GXYLT2: variants seen among roughly 807,000 people sequenced by gnomAD.
GXYLT2 encodes glucoside xylosyltransferase 2.
Under a neutral mutation model 45.8 loss-of-function variants are expected in GXYLT2, and 53 were observed. The ratio of observed to expected loss-of-function variants is 1.16; its 90% CI spans 0.93 to 1.46. The LOEUF (loss-of-function observed/expected upper bound fraction) is 1.46, where lower values mean the gene tolerates loss of function less well. Among genes scored for constraint, GXYLT2 ranks in the 40% most tolerant of loss-of-function variants. GXYLT2 has a pLI of 0.00. For synonymous variants in GXYLT2, 219 were observed against 214.2 expected (o/e 1.02, Z -0.19); for missense variants, 551 against 544.4 (o/e 1.01, Z -0.12).
chr3:72,911,769 A>T (rs1163831352), intron 2 of GXYLT2, among the ~76,000 whole-genome samples: 1 of 151,828 alleles, frequency 6.6e-6, no homozygotes, highest in Non-Finnish European at 1.5e-5. Flanking sequence ...TTGTGGTTTT[A>T]TTTACTTTTA....
At chr3:72,894,784 G>A (rs749144751) in intron 1 of GXYLT2, among the ~76,000 whole-genome samples, 1 of 152,178 alleles carries the variant, frequency 6.6e-6, no homozygotes, top group Non-Finnish European at 1.5e-5. Flanking sequence ...AAGTGAAAAC[G>A]CTATAATATG....
chr3:72,954,619 G>C (rs1710597338), intron 3 of GXYLT2, among the ~76,000 whole-genome samples: 1 of 146,312 alleles, frequency 6.8e-6, no homozygotes, highest in African/African-American at 2.5e-5. Flanking sequence ...CTGGGCGACA[G>C]AGTGAGACTC....
At chr3:72,951,851 T>C (rs1710534026) in intron 3 of GXYLT2, among the ~76,000 whole-genome samples, 1 of 152,148 alleles carries the variant, frequency 6.6e-6, no homozygotes. Context: ...GTTTTATTTG[T>C]TTTTGAGACA....
chr3:72,914,220 A>G (rs1049931770), intron 2 of GXYLT2, among the ~76,000 whole-genome samples: 3 of 152,144 alleles, frequency 2.0e-5, no homozygotes, highest in Non-Finnish European at 4.4e-5. Context: ...GACTTTTTAA[A>G]GTTGCATATG....
At chr3:72,936,196 G>A (rs1710173105) in intron 3 of GXYLT2, among the ~76,000 whole-genome samples, 1 of 151,994 alleles carries the variant, frequency 6.6e-6, no homozygotes, top group Non-Finnish European at 1.5e-5. Flanking sequence ...CGAGGCTGAG[G>A]CAGGAGAATT....
Position 72,922,229 on chromosome 3 carries a change from C to T in GXYLT2, c.494C>T (p.Thr165Ile). ...TTACGCCAGTGGCCTGACTCATATA[C>T]AAAGAAGTTTGAGCACAGAATCTAC... is the stretch of plus-strand genomic sequence containing the variant. The part of the protein sequence containing the change: ...KQLRQWPDSY[T>I]KKFEHRIYPI... Residue 165 changes from threonine to isoleucine, a missense_variant, in exon 3 of 7, where the codon ACA becomes ATA. Thr to Ile is a moderately conservative substitution (Grantham distance 89). Transcript: ENST00000389617. 2 of 1,613,578 alleles carry T rather than the reference C, an allele frequency of 1.2e-6. No individual in the cohort carries two copies. Among genetic ancestry groups the T allele is most frequent in the Non-Finnish European group, 1.7e-6 (2 of 1,179,648 alleles).
At chr3:72,915,237 T>C (rs993609874) in intron 2 of GXYLT2, among the ~76,000 whole-genome samples, 3 of 151,790 alleles carry the variant, frequency 2.0e-5, no homozygotes, top group Middle Eastern at 6.8e-3. Context: ...GGAGTTGTTT[T>C]TTTTCCTTTA....
rs545522448 is a variant in GXYLT2, at chr3:72,970,591, G to A, written c.1149+2872G>A. Among the ~76,000 whole-genome samples, 54 of 152,266 alleles carry A rather than the reference G, an allele frequency of 3.5e-4. 1 individual carries two copies. In the South Asian group the frequency reaches 5.2e-3, roughly 15 times the overall value. ...ATTCGCAGAGTTGGCTGAGCGTGGT[G>A]GCTCACATCTGTAATCCCAGCACTT... is the stretch of plus-strand genomic sequence containing the variant. On this transcript the variant is annotated intron_variant, in intron 6 of 6. Transcript: ENST00000389617.
Position 72,975,946 on chromosome 3 carries a change from T to TTTTTTTC in GXYLT2, c.*790_*791insTTTCTTT, listed in dbSNP as rs1559537589. The TTTTTTTC allele has an allele frequency of 7.7e-6, 1 of 129,604 alleles. No individual in the cohort carries two copies. Among genetic ancestry groups the TTTTTTTC allele is most frequent in the African/African-American group, 2.9e-5 (1 of 34,878 alleles). 8.0% of individuals were successfully genotyped at this position (129,604 alleles called of 1,614,324 possible). On this transcript the variant is annotated 3_prime_UTR_variant, in exon 7 of 7. Transcript: ENST00000389617. ...TCTTTCTTTTTTTTTTTTTTTTTTT[T>TTTTTTTC]TTTGAGACGGAATCTCACTCTGTAG...
At chr3:72,972,763 A>T (rs1410305981) in intron 6 of GXYLT2, among the ~76,000 whole-genome samples, 30 of 133,338 alleles carry the variant, frequency 2.2e-4, no homozygotes, top group South Asian at 1.1e-3. Context: ...TACAAAAATT[A>T]AAAAAAAAAA....
At chr3:72,942,475 T>G (rs1710319703) in intron 3 of GXYLT2, among the ~76,000 whole-genome samples, 1 of 152,118 alleles carries the variant, frequency 6.6e-6, no homozygotes, top group Non-Finnish European at 1.5e-5. Context: ...ACATGATATT[T>G]GTATGATTTT....
At position 72,890,955 on chromosome 3, in the gene GXYLT2, C is replaced by T. The variant is rs183981995; in HGVS notation, c.275+2447C>T. On this transcript the variant is annotated intron_variant, in intron 1 of 6. Transcript: ENST00000389617. The stretch of plus-strand genomic sequence containing the variant: ...CAAATGCATAAACAGTTGACATTTT[C>T]TGGGACTTATTTATTGTTTCTCTTG... Among the ~76,000 whole-genome samples the T allele has an allele frequency of 7.9e-5, 12 of 152,246 alleles. No individual in the cohort carries two copies. The East Asian group carries it at 2.3e-3, about 29-fold the overall frequency.
chr3:72,931,857 A>G lies in GXYLT2; in HGVS notation c.600+9522A>G, dbSNP rs1016848152. On this transcript the variant is annotated intron_variant, in intron 3 of 6. Transcript: ENST00000389617. Reference sequence around the variant, plus strand: ...CCAAAACTAAAAATTGGTACTTTGAAAAGATCAACAAAATTGACAAACCTT... The same window carrying G: ...CCAAAACTAAAAATTGGTACTTTGAGAAGATCAACAAAATTGACAAACCTT... 5.3e-5 allele frequency among the ~76,000 whole-genome samples: 8 copies of G among 152,274 alleles called. No individual in the cohort carries two copies. The East Asian group carries it at 1.4e-3, about 26-fold the overall frequency.
chr3:72,926,265 T>C (rs988213695), intron 3 of GXYLT2, among the ~76,000 whole-genome samples: 2 of 152,200 alleles, frequency 1.3e-5, no homozygotes, highest in Non-Finnish European at 2.9e-5. Flanking sequence ...CTCAAGCCAA[T>C]TAGATTCTCA....
At position 72,900,570 on chromosome 3, in the gene GXYLT2, A is replaced by G. The variant is rs921487559; in HGVS notation, c.276-7797A>G. ...GCTGGGATTACAAGCACCCGCAACC[A>G]CACCCAGCTACTTCTTTTTGTGTTT... is the stretch of plus-strand genomic sequence containing the variant. On this transcript the variant is annotated intron_variant, in intron 1 of 6. Transcript: ENST00000389617. 1.6e-4 allele frequency among the ~76,000 whole-genome samples: 24 copies of G among 151,902 alleles called. 1 individual carries two copies. The highest frequency in any genetic ancestry group is 1.6e-3 in the Admixed American group (24 of 15,248).
At chr3:72,941,090 A>G (rs1199543676) in intron 3 of GXYLT2, among the ~76,000 whole-genome samples, 1 of 152,214 alleles carries the variant, frequency 6.6e-6, no homozygotes, top group African/African-American at 2.4e-5. Context: ...ATTCGCATGC[A>G]CCAGAAGTAC....
chr3:72,967,359 C>T (rs1165204351), intron 5 of GXYLT2, among the ~76,000 whole-genome samples, 188 bp from the exon 6 acceptor site: 2 of 152,062 alleles, frequency 1.3e-5, no homozygotes, highest in Non-Finnish European at 2.9e-5. Flanking sequence ...TCACTGTGTG[C>T]CCCTTCAATT....
rs1711085823 is a variant in GXYLT2 at position 72,975,624 on chromosome 3, A to G, written c.*465A>G. On this transcript the variant is annotated 3_prime_UTR_variant, in exon 7 of 7. Coordinates refer to ENST00000389617, the MANE Select transcript of GXYLT2 (RefSeq NM_001080393.2). ...GCATATGGGTCAAGGGCTCAACATCAAGATTAGATTAGCCATAATCCTATT... is the reference window on the plus strand; with the variant it reads ...GCATATGGGTCAAGGGCTCAACATCGAGATTAGATTAGCCATAATCCTATT... The G allele has an allele frequency of 6.5e-6, 1 of 153,012 alleles. No homozygotes were observed. Among genetic ancestry groups the G allele is most frequent in the Admixed American group, 6.5e-5 (1 of 15,280 alleles). The allele number at this position is 153,012 out of a possible 1,614,324, so 9.5% of individuals were successfully genotyped here. A position where few individuals can be genotyped will look rare whatever the true frequency, so the allele number is the denominator to read the frequency against.
chr3:72,936,163 C>T (rs938588898), intron 3 of GXYLT2, among the ~76,000 whole-genome samples: 8 of 152,004 alleles, frequency 5.3e-5, no homozygotes, highest in South Asian at 2.1e-4. Flanking sequence ...TGGTGGCACG[C>T]GCCTGTAGTC....
Sources: allele counts gnomAD v4.1 joint callset (sites outside exome capture counted in the v4.1 genomes callset), GRCh38; gene constraint gnomAD v4.1.1; transcripts MANE v1.5; gene names NCBI Gene and HGNC (gene_info 2026-07-23, HGNC 2026-07-21).